EIF2S1: variants seen among roughly 807,000 people sequenced by gnomAD.
EIF2S1 encodes the protein eukaryotic translation initiation factor 2 subunit 1.
Under a neutral mutation model 33.5 loss-of-function variants are expected in EIF2S1, and 5 were observed. That is an observed-to-expected ratio of 0.15 (90% CI 0.08 to 0.31). The LOEUF (loss-of-function observed/expected upper bound fraction) is 0.31. Among genes scored for constraint, EIF2S1 ranks in the 10% least tolerant of loss-of-function variants. EIF2S1 has a pLI of 1.00. For missense variants in EIF2S1, 191 were observed against 384.6 expected, an observed-to-expected ratio of 0.50 and a Z score of 4.21; for synonymous variants, 99 against 127.5, an observed-to-expected ratio of 0.78 and a Z score of 1.51.
intron 5 of EIF2S1, among the ~76,000 whole-genome samples, chr14:67,381,146 T>C (rs536670702): frequency 2.0e-5 from 3 of 152,340 alleles, no homozygotes; most frequent in Non-Finnish European, 4.4e-5. Context: ...TTGCAGAACA[T>C]AGGAATCTTT....
chr14:67,385,469 A>C lies in EIF2S1; in HGVS notation c.*2029A>C, dbSNP rs1308595350. The C allele has an allele frequency of 6.6e-6, 1 of 151,278 alleles. No individual in the cohort carries two copies. The highest frequency in any genetic ancestry group is 1.5e-5 in the Non-Finnish European group (1 of 67,854). 9.4% of individuals were successfully genotyped at this position (151,278 alleles called of 1,614,324 possible). On this transcript the variant is annotated 3_prime_UTR_variant, in exon 8 of 8. Coordinates refer to ENST00000256383, the MANE Select transcript of EIF2S1 (RefSeq NM_004094.5). ...AAAAAAAAAAAAACCAAAAATCTTG[A>C]ATCTCCCATCAAAGCCTTTTCATTA...
At position 67,364,957 on chromosome 14, in the gene EIF2S1, C is replaced by A. The variant is rs2085764537; in HGVS notation, c.190C>A (p.Arg64=). ...TATCCGTTCTATCAACAAACTCATC[C>A]GAATTGGCAGGAATGAGTGTGTGGT... is the stretch of plus-strand genomic sequence containing the variant. The part of the protein sequence containing the change: ...RRIRSINKLI[R]IGRNECVVVI... Residue 64 remains arginine, a synonymous_variant, in exon 2 of 8, where the codon CGA becomes AGA. Coordinates refer to ENST00000256383, the MANE Select transcript of EIF2S1 (RefSeq NM_004094.5). 5 of 1,613,720 alleles carry A rather than the reference C, an allele frequency of 3.1e-6. No homozygotes were observed. The highest frequency in any genetic ancestry group is 4.2e-6 in the Non-Finnish European group (5 of 1,179,896).
rs769440866 is a variant in EIF2S1 at position 67,383,409 on chromosome 14, C to T, written c.917C>T (p.Ala306Val). 2 of 1,613,504 alleles carry T rather than the reference C, an allele frequency of 1.2e-6. No individual in the cohort carries two copies. Among genetic ancestry groups the T allele is most frequent in the South Asian group, 2.2e-5 (2 of 91,058 alleles). ...ENAEVDGDDD[A>V]EEMEAKAED ...GCCGAAGTGGATGGAGATGATGATG[C>T]AGAAGAAATGGAAGCCAAAGCTGAA... Residue 306 changes from alanine to valine, a missense_variant, in exon 8 of 8, where the codon GCA becomes GTA. By Grantham distance (64) the Ala-to-Val change is moderately conservative (BLOSUM62 0). Coordinates refer to ENST00000256383, the MANE Select transcript of EIF2S1 (RefSeq NM_004094.5).
At chr14:67,361,530 G>A (rs958115681) in intron 1 of EIF2S1, among the ~76,000 whole-genome samples, 1 of 152,194 alleles carries the variant, frequency 6.6e-6, no homozygotes, top group Admixed American at 6.5e-5. Flanking sequence ...ATCCAAATTA[G>A]AATTATCACG....
intron 2 of EIF2S1, among the ~76,000 whole-genome samples, chr14:67,366,537 C>T (rs1204750089): frequency 1.3e-5 from 2 of 152,058 alleles, no homozygotes; most frequent in Non-Finnish European, 2.9e-5. Context: ...CAGGAAATGA[C>T]CAAAATGGGG....
At chr14:67,377,749 T>C (rs1442462358) in intron 4 of EIF2S1, among the ~76,000 whole-genome samples, 1 of 152,026 alleles carries the variant, frequency 6.6e-6, no homozygotes, top group African/African-American at 2.4e-5. Context: ...ATTTATACTA[T>C]AAAACCCACT....
At chr14:67,367,862 A>G (rs1233273263) in intron 2 of EIF2S1, among the ~76,000 whole-genome samples, 1 of 151,970 alleles carries the variant, frequency 6.6e-6, no homozygotes, top group Non-Finnish European at 1.5e-5. Context: ...GAGGTGAAGG[A>G]AGTTCTTTAA....
At chr14:67,378,740 G>T (rs1483311821) in intron 4 of EIF2S1, among the ~76,000 whole-genome samples, 1 of 151,984 alleles carries the variant, frequency 6.6e-6, no homozygotes, top group Non-Finnish European at 1.5e-5. Flanking sequence ...CTCTTTTCTT[G>T]CTTCATTCAT....
At chr14:67,377,473 A>G (rs2085863117) in intron 4 of EIF2S1, among the ~76,000 whole-genome samples, 1 of 152,182 alleles carries the variant, frequency 6.6e-6, no homozygotes, top group Non-Finnish European at 1.5e-5. Context: ...TATGCTCACT[A>G]CCTATTTTAT....
At chr14:67,364,565 G>C in intron 1 of EIF2S1, 1 of 505,648 alleles carries the variant, frequency 2.0e-6, no homozygotes, top group Non-Finnish European at 3.4e-6. Context: ...CAAAAATGTT[G>C]AGCAAAATAA....
At chr14:67,366,658 A>C (rs954120069) in intron 2 of EIF2S1, among the ~76,000 whole-genome samples, 10 of 152,220 alleles carry the variant, frequency 6.6e-5, no homozygotes, top group Non-Finnish European at 1.5e-4. Context: ...AGCAAAGTGC[A>C]AAAGAGCCTG....
intron 2 of EIF2S1, among the ~76,000 whole-genome samples, chr14:67,366,063 G>C (rs571589528): frequency 1.8e-4 from 27 of 151,600 alleles, no homozygotes; most frequent in African/African-American, 6.3e-4. Context: ...AGTACCTAAA[G>C]TAGTGTCTAA....
intron 1 of EIF2S1, among the ~76,000 whole-genome samples, chr14:67,361,333 C>G (rs1292350282): frequency 6.6e-6 from 1 of 152,168 alleles, no homozygotes; most frequent in Non-Finnish European, 1.5e-5. Context: ...GTGACTTGTA[C>G]AGAACTTTGC....
rs193077644 is a variant in EIF2S1 at position 67,371,716 on chromosome 14, A to G, written c.242-2752A>G. Among the ~76,000 whole-genome samples, 521 of 152,330 alleles carry G rather than the reference A, an allele frequency of 3.4e-3. 2 individuals carry two copies. Among genetic ancestry groups the G allele is most frequent in the African/African-American group, 0.012 (496 of 41,592 alleles). ...AAAAATACAGTATTATAATCTTAACAGCACTGCTGCTATATATGCAATCTA... is the reference window on the plus strand; with the variant it reads ...AAAAATACAGTATTATAATCTTAACGGCACTGCTGCTATATATGCAATCTA... On this transcript the variant is annotated intron_variant, in intron 2 of 7. Coordinates refer to ENST00000256383, the MANE Select transcript of EIF2S1 (RefSeq NM_004094.5).
At chr14:67,379,445 T>G (rs1340224217) in intron 4 of EIF2S1, among the ~76,000 whole-genome samples, 1 of 152,184 alleles carries the variant, frequency 6.6e-6, no homozygotes, top group Non-Finnish European at 1.5e-5. Context: ...AAACATCTGT[T>G]CACCTCATTT....
rs1325222252 is a variant in EIF2S1 at position 67,384,577 on chromosome 14, G to A, written c.*1137G>A. 6.6e-6 allele frequency: 1 copy of A among 152,046 alleles called. No homozygotes were observed. The highest frequency in any genetic ancestry group is 1.5e-5 in the Non-Finnish European group (1 of 68,010). 9.4% of individuals were successfully genotyped at this position (152,046 alleles called of 1,614,324 possible). A position where few individuals can be genotyped will look rare whatever the true frequency, so the allele number is the denominator to read the frequency against. On this transcript the variant is annotated 3_prime_UTR_variant, in exon 8 of 8. Coordinates refer to ENST00000256383, the MANE Select transcript of EIF2S1 (RefSeq NM_004094.5). Reference sequence around the variant, plus strand: ...TATTTAATTTTATTCATTATCCCTAGATAGCTATTAAGATACTTAGATTAG... The same window carrying A: ...TATTTAATTTTATTCATTATCCCTAAATAGCTATTAAGATACTTAGATTAG...
In EIF2S1 at chr14:67,378,530, G is replaced by A. The variant is rs1467083121; in HGVS notation, c.473+1940G>A. ...ATAGAGCCAGGCAGTATTCAAACGCGTGCATTCTGGCTCCATCCAGAGTTT... is the reference window on the plus strand; with the variant it reads ...ATAGAGCCAGGCAGTATTCAAACGCATGCATTCTGGCTCCATCCAGAGTTT... On this transcript the variant is annotated intron_variant, in intron 4 of 7. Coordinates refer to ENST00000256383, the MANE Select transcript of EIF2S1 (RefSeq NM_004094.5). 2.0e-5 allele frequency among the ~76,000 whole-genome samples: 3 copies of A among 152,202 alleles called. No homozygotes were observed. The South Asian group carries it at 6.2e-4, about 32-fold the overall frequency.
intron 4 of EIF2S1, among the ~76,000 whole-genome samples, chr14:67,378,124 T>TAA (rs750515236): frequency 2.0e-4 from 27 of 134,284 alleles, no homozygotes; most frequent in Admixed American, 4.5e-4. Context: ...CCTTGTCTCT[T>TAA]AAAAAAAAAA....
rs1313847863 is a variant in EIF2S1 at position 67,386,316 on chromosome 14, CAA to C, written c.*2877_*2878del. On this transcript the variant is annotated 3_prime_UTR_variant, in exon 8 of 8. Coordinates refer to ENST00000256383, the MANE Select transcript of EIF2S1 (RefSeq NM_004094.5). ...AGGTCAATGTTTTAGACACGACTAA[CAA>C]GGGACAGTTCAAACTATTAAAGAGA... is the stretch of plus-strand genomic sequence containing the variant. 6.6e-6 allele frequency: 1 copy of C among 152,346 alleles called. No homozygotes were observed. Among genetic ancestry groups the C allele is most frequent in the Non-Finnish European group, 1.5e-5 (1 of 68,022 alleles). The allele number at this position is 152,346 out of a possible 1,614,324, so 9.4% of individuals were successfully genotyped here.
Sources: gnomAD v4.1 joint callset for allele counts (sites outside exome capture counted in the v4.1 genomes callset) on GRCh38, gnomAD v4.1.1 for gene constraint, MANE v1.5 for transcripts, NCBI Gene and HGNC (gene_info 2026-07-23, HGNC 2026-07-21) for gene names.